Variants in MYO16 observed in about 807,000 individuals in gnomAD.
MYO16 encodes myosin XVI.
In MYO16, 94 loss-of-function variants were observed where a neutral mutation model predicts 205.3. The ratio of observed to expected loss-of-function variants is 0.46; its 90% CI spans 0.39 to 0.54. The LOEUF (loss-of-function observed/expected upper bound fraction) is 0.54, where lower values mean the gene tolerates loss of function less well. Ranked by LOEUF, MYO16 falls within the 20% of genes least tolerant of loss-of-function variation. The pLI, the probability that MYO16 is intolerant of heterozygous loss-of-function variation, is 0.00. For missense variants in MYO16, 2,315 were observed against 2,387.5 expected (o/e 0.97, Z 0.63); for synonymous variants, 988 against 954.0 (o/e 1.04, Z -0.66).
At chr13:108,986,824 G>A (rs1486428410) in intron 20 of MYO16, among the ~76,000 whole-genome samples, 1 of 152,048 alleles carries the variant, frequency 6.6e-6, no homozygotes, top group Non-Finnish European at 1.5e-5. Context: ...TTAGACTCGG[G>A]TGTAAGACCA....
chr13:108,555,572 C>A, the MYO16 span, among the ~76,000 whole-genome samples: 1 of 152,198 alleles, frequency 6.6e-6, no homozygotes, highest in Non-Finnish European at 1.5e-5. Context: ...CATTGCCTCA[C>A]ATAGTTATCT....
chr13:108,572,793 A>C, the MYO16 span, among the ~76,000 whole-genome samples: 1 of 152,154 alleles, frequency 6.6e-6, no homozygotes, highest in Non-Finnish European at 1.5e-5. Context: ...AATACCGTTA[A>C]ATTAAATGGG....
the MYO16 span, among the ~76,000 whole-genome samples, chr13:108,541,868 GTAAATTAGT>G: frequency 6.6e-6 from 1 of 152,202 alleles, no homozygotes; most frequent in African/African-American, 2.4e-5. Context: ...TGGTAGGAAT[GTAAATTAGT>G]TCAGCCATTG....
chr13:108,793,092 G>A (rs1194207850), intron 5 of MYO16, among the ~76,000 whole-genome samples: 2 of 151,982 alleles, frequency 1.3e-5, no homozygotes, highest in African/African-American at 4.8e-5. Flanking sequence ...GACCATCCTG[G>A]CTAACACCGT....
chr13:109,013,108 T>TCCCCCCCCCCCCC (rs1177754621), intron 22 of MYO16, among the ~76,000 whole-genome samples: 31 of 32,606 alleles, frequency 9.5e-4, no homozygotes, highest in African/African-American at 1.4e-3. Context: ...ATGCTACCCC[T>TCCCCCCCCCCCCC]CCCCCACCCC....
At chr13:108,999,898 A>G (rs1233450836) in intron 21 of MYO16, among the ~76,000 whole-genome samples, 1 of 152,178 alleles carries the variant, frequency 6.6e-6, no homozygotes, top group Non-Finnish European at 1.5e-5. Flanking sequence ...TTAGGACTCA[A>G]TATTATTTAT....
chr13:108,677,335 GTATATATATATATATATATGCA>G (rs1321565834), intron 2 of MYO16, among the ~76,000 whole-genome samples: 66 of 87,484 alleles, frequency 7.5e-4, no homozygotes, highest in African/African-American at 1.8e-3. Context: ...GTGTGTGTGT[GTATATATATATATATATATGCA>G]TATATATATA....
intron 16 of MYO16, among the ~76,000 whole-genome samples, chr13:108,936,967 T>C (rs939719611): frequency 6.6e-6 from 1 of 152,190 alleles, no homozygotes; most frequent in African/African-American, 2.4e-5. Context: ...TAAGTGTGTT[T>C]TTTTGGTATC....
intron 7 of MYO16, among the ~76,000 whole-genome samples, chr13:108,817,954 G>A (rs962419318): frequency 2.0e-5 from 3 of 152,112 alleles, no homozygotes; most frequent in African/African-American, 7.2e-5. Flanking sequence ...GTCCCTATTT[G>A]AGACATAAAG....
intron 4 of MYO16, among the ~76,000 whole-genome samples, chr13:108,732,554 C>A (rs1429884994): frequency 6.6e-6 from 1 of 152,062 alleles, no homozygotes; most frequent in East Asian, 1.9e-4. Flanking sequence ...AGCAAGGAGA[C>A]CAGCACAGCT....
intron 2 of MYO16, among the ~76,000 whole-genome samples, chr13:108,695,108 G>A (rs1029644930): frequency 5.3e-5 from 8 of 152,094 alleles, no homozygotes; most frequent in Admixed American, 2.6e-4. Flanking sequence ...GTGAAACTCC[G>A]TTTCAAAAAA....
chr13:108,827,514 G>A (rs1021451668), intron 9 of MYO16, among the ~76,000 whole-genome samples: 13 of 152,192 alleles, frequency 8.5e-5, no homozygotes, highest in East Asian at 1.9e-4. Flanking sequence ...CATATTTCAC[G>A]TTTTCTAAGG....
At chr13:108,780,220 A>T (rs928767850) in intron 4 of MYO16, among the ~76,000 whole-genome samples, 12 of 152,196 alleles carry the variant, frequency 7.9e-5, no homozygotes, top group African/African-American at 2.9e-4. Flanking sequence ...AAAAATGAAG[A>T]TATATTAGAA....
At chr13:108,963,121 A>G (rs888187344) in intron 19 of MYO16, among the ~76,000 whole-genome samples, 1 of 152,210 alleles carries the variant, frequency 6.6e-6, no homozygotes, top group Admixed American at 6.5e-5. Context: ...TCAGTGAACA[A>G]AGAGAGTGGT....
chr13:109,146,006 T>C (rs1566531508), intron 32 of MYO16, among the ~76,000 whole-genome samples: 1 of 152,244 alleles, frequency 6.6e-6, no homozygotes, highest in Non-Finnish European at 1.5e-5. Context: ...TTATAAGTTA[T>C]AAACAGGTAC....
Position 109,207,004 on chromosome 13 carries a change from GTT to G in MYO16, c.*170_*171del. 11 of 301,890 alleles carry G rather than the reference GTT, an allele frequency of 3.6e-5. No homozygotes were observed. The highest frequency in any genetic ancestry group is 8.6e-5 in the South Asian group (2 of 23,356). 18.7% of individuals were successfully genotyped at this position (301,890 alleles called of 1,614,324 possible). On this transcript the variant is annotated 3_prime_UTR_variant, in exon 35 of 35. Transcript: ENST00000457511. ...TGAGATCCCGTGTGTGTGTGTGTGT[GTT>G]TGTGTGTGTGTGTGTGGGTTCTTTC...
At position 109,055,380 on chromosome 13, in the gene MYO16, C is replaced by T. The variant is rs1407703526; in HGVS notation, c.3130-10C>T. ...TTGGAGAATCAGTTGGGTTCTACTT[C>T]TCTCCTTAGAAATCACTAATGGATA... is the stretch of plus-strand genomic sequence containing the variant. On this transcript the variant is annotated splice_polypyrimidine_tract_variant and intron_variant, in intron 26 of 34. Coordinates refer to ENST00000457511, the MANE Select transcript of MYO16 (RefSeq NM_001198950.3). The surrounding 1 kb of genome is among the most constrained non-coding windows in gnomAD (Gnocchi z 5.0). 8.1e-6 allele frequency: 13 copies of T among 1,599,538 alleles called. No individual in the cohort carries two copies. The highest frequency in any genetic ancestry group is 1.7e-5 in the Admixed American group (1 of 59,010).
At chr13:108,745,264 C>T (rs949120999) in intron 4 of MYO16, among the ~76,000 whole-genome samples, 1 of 152,138 alleles carries the variant, frequency 6.6e-6, no homozygotes, top group African/African-American at 2.4e-5. Flanking sequence ...TTGCCAGAGG[C>T]TGAGTGCAGA....
At chr13:108,957,044 TATTA>T (rs2139355404) in intron 16 of MYO16, among the ~76,000 whole-genome samples, 1 of 152,214 alleles carries the variant, frequency 6.6e-6, no homozygotes, top group East Asian at 1.9e-4. Context: ...TTAGTTCAAA[TATTA>T]ATTACAAACC....
Sources: allele counts gnomAD v4.1 joint callset (sites outside exome capture counted in the v4.1 genomes callset), GRCh38; gene constraint gnomAD v4.1.1; non-coding constraint Gnocchi (gnomAD v3.1); transcripts MANE v1.5; gene names NCBI Gene and HGNC (gene_info 2026-07-23, HGNC 2026-07-21).